The following NLGN4X variants were observed in gnomAD, a reference collection of about 807,000 sequenced individuals.
NLGN4X encodes the protein neuroligin-4, X-linked.
NLGN4X carries 3 observed loss-of-function variants against 40.3 expected under a neutral mutation model. The observed-to-expected ratio is 0.07, with a 90% CI of 0.03 to 0.19. NLGN4X has a LOEUF of 0.19. Ranked by LOEUF, NLGN4X falls within the 10% of genes least tolerant of loss-of-function variation. The pLI, the probability that NLGN4X is intolerant of heterozygous loss-of-function variation, is 1.00. For missense variants in NLGN4X, 382 were observed against 708.3 expected, an observed-to-expected ratio of 0.54 and a Z score of 5.23; for synonymous variants, 270 against 306.8, an observed-to-expected ratio of 0.88 and a Z score of 1.25.
intron 3 of NLGN4X, among the ~76,000 whole-genome samples, chrX:5,986,662 C>T (rs1399098147): frequency 9.0e-6 from 1 of 111,379 alleles, no homozygotes; most frequent in Non-Finnish European, 1.9e-5. Context: ...CAGTGAAGCA[C>T]TCTAATCGAA....
chrX:5,997,419 A>G (rs1409542356), intron 3 of NLGN4X, among the ~76,000 whole-genome samples: 5 of 106,242 alleles, frequency 4.7e-5, no homozygotes, highest in Admixed American at 1.0e-4. Context: ...GCAAAATAAA[A>G]TTTTCAAAAT....
chrX:6,096,712 C>T (rs2038785664), intron 2 of NLGN4X, among the ~76,000 whole-genome samples: 1 of 111,833 alleles, frequency 8.9e-6, no homozygotes, highest in South Asian at 3.7e-4. Flanking sequence ...TGGAGGCCAA[C>T]ATTAAGGATG....
intron 2 of NLGN4X, among the ~76,000 whole-genome samples, chrX:6,095,876 G>A (rs747664244): frequency 1.8e-5 from 2 of 111,995 alleles, no homozygotes; most frequent in Non-Finnish European, 3.8e-5. Context: ...GAAAAAGGTG[G>A]AAAAATCAAA....
At chrX:6,220,980 C>T (rs1343446929) in intron 1 of NLGN4X, among the ~76,000 whole-genome samples, 2 of 110,744 alleles carry the variant, frequency 1.8e-5, no homozygotes, top group African/African-American at 3.3e-5. Context: ...TCAGGTGATT[C>T]GCCCACCTCA....
intron 3 of NLGN4X, among the ~76,000 whole-genome samples, chrX:5,929,580 G>A (rs1387741600): frequency 1.8e-5 from 2 of 112,045 alleles, no homozygotes; most frequent in Admixed American, 9.4e-5. Flanking sequence ...ATGCACACAT[G>A]TGTGCACACA....
chrX:5,904,670 G>C (rs952365741), intron 4 of NLGN4X, among the ~76,000 whole-genome samples: 34 of 112,028 alleles, frequency 3.0e-4, no homozygotes, highest in Admixed American at 7.6e-4. Flanking sequence ...TCTACTACAC[G>C]GATGTCCAGA....
intron 3 of NLGN4X, among the ~76,000 whole-genome samples, chrX:5,936,125 A>G (rs2033722411): frequency 1.8e-5 from 2 of 112,006 alleles, no homozygotes; most frequent in African/African-American, 3.2e-5. Flanking sequence ...ATAAGAAAAA[A>G]CAAAAATAAA....
At chrX:6,104,670 G>C (rs1396922312) in intron 2 of NLGN4X, among the ~76,000 whole-genome samples, 1 of 111,248 alleles carries the variant, frequency 9.0e-6, no homozygotes, top group Non-Finnish European at 1.9e-5. Context: ...GATCAGACTG[G>C]AGTTACAGAA....
intron 2 of NLGN4X, among the ~76,000 whole-genome samples, chrX:6,058,888 T>C (rs182484038): frequency 1.8e-5 from 2 of 112,055 alleles, no homozygotes; most frequent in East Asian, 5.6e-4. Context: ...GTGTTTACTT[T>C]CAGTAAAATA....
chrX:6,207,886 AT>A (rs1256122665), intron 1 of NLGN4X, among the ~76,000 whole-genome samples: 2 of 112,147 alleles, frequency 1.8e-5, no homozygotes, highest in African/African-American at 6.5e-5. Flanking sequence ...GTTATACTGC[AT>A]TCTTTGGGGT....
intron 2 of NLGN4X, among the ~76,000 whole-genome samples, chrX:6,135,247 A>C (rs2039787142): frequency 9.0e-6 from 1 of 111,692 alleles, no homozygotes; most frequent in Non-Finnish European, 1.9e-5. Flanking sequence ...CCTAATAGAA[A>C]TATCCTCATC....
At chrX:6,027,294 G>A (rs963768561) in intron 3 of NLGN4X, among the ~76,000 whole-genome samples, 7 of 112,240 alleles carry the variant, frequency 6.2e-5, no homozygotes, top group Non-Finnish European at 1.1e-4. Flanking sequence ...CAGCGCCTCT[G>A]AAAACTATTC....
intron 2 of NLGN4X, among the ~76,000 whole-genome samples, chrX:6,100,967 G>A (rs1167842301): frequency 9.0e-6 from 1 of 111,075 alleles, no homozygotes; most frequent in Non-Finnish European, 1.9e-5. Context: ...ACTAGAGATC[G>A]ATTGCATTCC....
In NLGN4X at chrX:6,151,595, T is replaced by C. The variant is rs2040168195; in HGVS notation, c.-129A>G. ...GTAGACCTGGGAGAGACTCTCAGAC[T>C]GATCACAGACAGAGCCTGAGGTTAA... On this transcript the variant is annotated 5_prime_UTR_variant, in exon 2 of 6. Coordinates refer to ENST00000381095, the MANE Select transcript of NLGN4X (RefSeq NM_181332.3). 5 of 563,888 alleles carry C rather than the reference T, an allele frequency of 8.9e-6. No individual in the cohort carries two copies. In the South Asian group the frequency reaches 1.3e-4, roughly 14 times the overall value. 46.5% of individuals were successfully genotyped at this position (563,888 alleles called of 1,213,427 possible). A position where few individuals can be genotyped will look rare whatever the true frequency, so the allele number is the denominator to read the frequency against.
intron 2 of NLGN4X, among the ~76,000 whole-genome samples, chrX:6,064,738 T>A (rs1335990635): frequency 9.0e-6 from 1 of 111,017 alleles, no homozygotes; most frequent in Non-Finnish European, 1.9e-5. Context: ...TCGCTACCAT[T>A]CGACCCAGCA....
intron 1 of NLGN4X, chrX:6,226,929 G>C (rs953965254): frequency 1.7e-5 from 2 of 120,087 alleles, no homozygotes; most frequent in Non-Finnish European, 3.4e-5. Flanking sequence ...GTGCCAGCGC[G>C]GGCTGTGGGC....
chrX:6,079,495 T>C (rs2038292202), intron 2 of NLGN4X, among the ~76,000 whole-genome samples: 1 of 112,407 alleles, frequency 8.9e-6, no homozygotes, highest in Non-Finnish European at 1.9e-5. Context: ...CCAATCCAGC[T>C]TGAATTATCC....
At chrX:6,065,779 T>G (rs2037898003) in intron 2 of NLGN4X, among the ~76,000 whole-genome samples, 1 of 111,668 alleles carries the variant, frequency 9.0e-6, no homozygotes, top group African/African-American at 3.3e-5. Context: ...ACATGTACTC[T>G]ATTATTTGGT....
intron 3 of NLGN4X, among the ~76,000 whole-genome samples, chrX:5,942,422 G>A (rs1348702374): frequency 2.7e-5 from 3 of 111,633 alleles, no homozygotes; most frequent in African/African-American, 9.8e-5. Context: ...TGGGCATGGT[G>A]ATTCATGCCT....
Sources: gnomAD v4.1 joint callset for allele counts (sites outside exome capture counted in the v4.1 genomes callset) on GRCh38, gnomAD v4.1.1 for gene constraint, MANE v1.5 for transcripts, NCBI Gene and HGNC (gene_info 2026-07-23, HGNC 2026-07-21) for gene names.